ITGAX: variants seen among roughly 807,000 people sequenced by gnomAD.
ITGAX encodes the protein integrin alpha-X.
In ITGAX, 99 loss-of-function variants were observed where a neutral mutation model predicts 140.2. That is an observed-to-expected ratio of 0.71 (90% CI 0.60 to 0.83). The LOEUF (loss-of-function observed/expected upper bound fraction) is 0.83. Ranked by LOEUF, ITGAX falls within the 40% of genes least tolerant of loss-of-function variation. The pLI, the probability that ITGAX is intolerant of heterozygous loss-of-function variation, is 0.00. For missense variants in ITGAX, 1,444 were observed against 1,482.0 expected (o/e 0.97, Z 0.42); for synonymous variants, 631 against 600.4 (o/e 1.05, Z -0.75).
intron 20 of ITGAX, among the ~76,000 whole-genome samples, chr16:31,375,984 G>A (rs2081015871): frequency 6.6e-6 from 1 of 152,196 alleles, no homozygotes; most frequent in Non-Finnish European, 1.5e-5. Context: ...TGTTAATTTT[G>A]TTGGCTGTGA....
chr16:31,379,403 C>G (rs1279470488), intron 23 of ITGAX, among the ~76,000 whole-genome samples, 165 bp from the exon 24 acceptor site: 1 of 152,160 alleles, frequency 6.6e-6, no homozygotes, highest in Non-Finnish European at 1.5e-5. Flanking sequence ...AGGCCTGAGC[C>G]ACCGCGCCTG....
At chr16:31,372,206 G>A (rs926448112) in intron 17 of ITGAX, among the ~76,000 whole-genome samples, 172 bp from the exon 18 acceptor site, 1 of 151,970 alleles carries the variant, frequency 6.6e-6, no homozygotes, top group Non-Finnish European at 1.5e-5. Flanking sequence ...CAAGGGGAGA[G>A]AACAGAGAGG....
chr16:31,376,488 TG>T (rs1338560119), intron 20 of ITGAX, among the ~76,000 whole-genome samples: 1 of 151,928 alleles, frequency 6.6e-6, no homozygotes, highest in Non-Finnish European at 1.5e-5. Context: ...CCAGGCATGG[TG>T]GTGGTGTGTG....
At chr16:31,373,166 T>TA in intron 19 of ITGAX, 83 bp from the exon 20 acceptor site, 28 of 481,056 alleles carry the variant, frequency 5.8e-5, no homozygotes, top group East Asian at 2.4e-4. Context: ...ATCTCCCAAA[T>TA]CCCCACCCAC....
chr16:31,370,734 AATAGT>A (rs537052623), intron 14 of ITGAX, among the ~76,000 whole-genome samples: 52 of 152,292 alleles, frequency 3.4e-4, no homozygotes, highest in African/African-American at 9.9e-4. Flanking sequence ...ACTCTGAGCT[AATAGT>A]ATCATTATAT....
At chr16:31,368,387 A>G (rs945839782) in intron 14 of ITGAX, among the ~76,000 whole-genome samples, 1 of 150,932 alleles carries the variant, frequency 6.6e-6, no homozygotes, top group Non-Finnish European at 1.5e-5. Context: ...AATCCCAGCT[A>G]CTCAGGAGGC....
chr16:31,360,619 C>A, intron 8 of ITGAX, 156 bp downstream of exon 8: 1 of 670,334 alleles, frequency 1.5e-6, no homozygotes, highest in Non-Finnish European at 2.4e-6. Context: ...TCCTGGGCTC[C>A]AGTGATCCTC....
intron 9 of ITGAX, chr16:31,361,526 G>T: frequency 1.5e-6 from 1 of 683,656 alleles, no homozygotes; most frequent in Non-Finnish European, 2.6e-6. Flanking sequence ...GCCCTACCCA[G>T]CCCACATCCC....
In ITGAX at chr16:31,380,881, G is replaced by T. The variant is rs776732624; in HGVS notation, c.3277-16G>T. The T allele has an allele frequency of 2.4e-5, 39 of 1,608,416 alleles. No homozygotes were observed. In the East Asian group the frequency reaches 8.7e-4, roughly 36 times the overall value. On this transcript the variant is annotated splice_polypyrimidine_tract_variant and intron_variant, in intron 28 of 29. Transcript: ENST00000268296. ...AGGAGGATGGGAGTGCTCTGACAGG[G>T]TCACTTCCACTTCAGACGACAACGG...
chr16:31,355,786 C>G (rs921240769), intron 1 of ITGAX, 107 bp from the exon 2 acceptor site: 2 of 821,512 alleles, frequency 2.4e-6, no homozygotes, highest in Non-Finnish European at 4.0e-6. Flanking sequence ...CCAGGCACCC[C>G]GGGCATCAGG....
At chr16:31,360,147 C>T (rs1384830518) in intron 7 of ITGAX, 82 bp downstream of exon 7, 9 of 1,563,736 alleles carry the variant, frequency 5.8e-6, no homozygotes, top group Non-Finnish European at 7.8e-6. Context: ...GAGAAGGGGA[C>T]AGGCAGGGAC....
At position 31,382,829 on chromosome 16, in the gene ITGAX, A is replaced by C. The variant is rs1256098365; in HGVS notation, c.*922A>C. 3.1e-6 allele frequency: 1 copy of C among 319,640 alleles called. No individual in the cohort carries two copies. The highest frequency in any genetic ancestry group is 4.8e-5 in the Admixed American group (1 of 20,688). The allele number at this position is 319,640 out of a possible 1,614,324, so 19.8% of individuals were successfully genotyped here. A position where few individuals can be genotyped will look rare whatever the true frequency, so the allele number is the denominator to read the frequency against. ...GGGCAGAAGAGACCCAACCACTTCT[A>C]TTTTTTGAGGCTATGAATATAGTAC... On this transcript the variant is annotated 3_prime_UTR_variant, in exon 30 of 30. Transcript: ENST00000268296.
chr16:31,371,588 A>T (rs761948012), intron 16 of ITGAX, 42 bp from the exon 17 acceptor site: 4 of 1,612,192 alleles, frequency 2.5e-6, no homozygotes, highest in Non-Finnish European at 3.4e-6. Context: ...TTGTCCACCC[A>T]AGGAGTTCCT....
At chr16:31,363,770 G>C (rs919867104) in intron 14 of ITGAX, among the ~76,000 whole-genome samples, 2 of 152,198 alleles carry the variant, frequency 1.3e-5, no homozygotes, top group East Asian at 3.8e-4. Context: ...AAGGTACACA[G>C]GTCAGGCACA....
rs61575806 is a variant in ITGAX at position 31,382,228 on chromosome 16, C to CTTTTTTTT, written c.*329_*336dup. On this transcript the variant is annotated 3_prime_UTR_variant, in exon 30 of 30. Transcript: ENST00000268296. ...GGCACGAATGATCTTTCTTTCCTTT[C>CTTTTTTTT]TTTTTTTTTTTTTTTCTTTTCTTTT... 6 of 903,556 alleles carry CTTTTTTTT rather than the reference C, an allele frequency of 6.6e-6. No individual in the cohort carries two copies. Among genetic ancestry groups the CTTTTTTTT allele is most frequent in the East Asian group, 6.0e-5 (1 of 16,608 alleles). The allele number at this position is 903,556 out of a possible 1,614,324, so 56.0% of individuals were successfully genotyped here.
At position 31,358,639 on chromosome 16, in the gene ITGAX, A is replaced by C. The variant is rs1288755245; in HGVS notation, c.431-1061A>C. On this transcript the variant is annotated intron_variant, in intron 5 of 29. Coordinates refer to ENST00000268296, the MANE Select transcript of ITGAX (RefSeq NM_000887.5). ...AAATTTAACAAAACTACCATTCAGC[A>C]CTGAGCAGTGAGGACAAACACTGGC... Among the ~76,000 whole-genome samples, 4 of 151,110 alleles carry C rather than the reference A, an allele frequency of 2.6e-5. No individual in the cohort carries two copies. The East Asian group carries it at 7.9e-4, about 30-fold the overall frequency.
At position 31,376,724 on chromosome 16, in the gene ITGAX, T is replaced by C. The variant is rs568311420; in HGVS notation, c.2509-75T>C. The stretch of plus-strand genomic sequence containing the variant: ...TCTTTGGAATGCTGTTATATTAGGT[T>C]GGTGCAAAAGTAATTGGGTTTTTGC... On this transcript the variant is annotated intron_variant, in intron 20 of 29. Transcript: ENST00000268296. 287 of 1,349,650 alleles carry C rather than the reference T, an allele frequency of 2.1e-4. 1 individual carries two copies. In the African/African-American group the frequency reaches 3.8e-3, roughly 18 times the overall value. 83.6% of individuals were successfully genotyped at this position (1,349,650 alleles called of 1,614,324 possible).
intron 19 of ITGAX, among the ~76,000 whole-genome samples, chr16:31,373,020 G>A (rs940392671): frequency 6.6e-6 from 1 of 152,018 alleles, no homozygotes; most frequent in East Asian, 1.9e-4. Context: ...TTGAGCTCTG[G>A]AGTTGGAGGC....
At chr16:31,378,160 GC>G (rs1193541812) in intron 23 of ITGAX, among the ~76,000 whole-genome samples, 1 of 152,158 alleles carries the variant, frequency 6.6e-6, no homozygotes, top group African/African-American at 2.4e-5. Context: ...TCCCCTCCAA[GC>G]CCCAGGCCCG....
Sources: gnomAD v4.1 joint callset for allele counts (sites outside exome capture counted in the v4.1 genomes callset) on GRCh38, gnomAD v4.1.1 for gene constraint, MANE v1.5 for transcripts, NCBI Gene and HGNC (gene_info 2026-07-23, HGNC 2026-07-21) for gene names.